The following SRRM1 variants were observed in gnomAD, a reference collection of about 807,000 sequenced individuals.
SRRM1 encodes serine/arginine repetitive matrix protein 1.
Under a neutral mutation model 110.2 loss-of-function variants are expected in SRRM1, and 19 were observed. That is an observed-to-expected ratio of 0.17 (90% confidence interval 0.12 to 0.25). The LOEUF is 0.25. Ranked by LOEUF, SRRM1 falls within the 10% of genes least tolerant of loss-of-function variation. The pLI, the probability that SRRM1 is intolerant of heterozygous loss-of-function variation, is 1.00. For missense variants in SRRM1, 918 were observed against 1,145.8 expected (o/e 0.80, Z 2.87); for synonymous variants, 443 against 414.9 (o/e 1.07, Z -0.82).
At position 24,669,729 on chromosome 1, in the gene SRRM1, T is replaced by C. The variant is rs145600296; in HGVS notation, c.2204+142T>C. 29 of 709,398 alleles carry C rather than the reference T, an allele frequency of 4.1e-5. No individual in the cohort carries two copies. The East Asian group carries it at 6.9e-4, about 17-fold the overall frequency. The allele number at this position is 709,398 out of a possible 1,614,324, so 43.9% of individuals were successfully genotyped here. A position where few individuals can be genotyped will look rare whatever the true frequency, so the allele number is the denominator to read the frequency against. On this transcript the variant is annotated intron_variant, in intron 14 of 16. Transcript: ENST00000323848. ...CTTGAGGTACTATTTACAGATCTTA[T>C]TCCATTTTTTGGGATAGTTTCTGTG...
At chr1:24,660,039 ATTC>A (rs1276946396) in intron 9 of SRRM1, among the ~76,000 whole-genome samples, 1 of 152,226 alleles carries the variant, frequency 6.6e-6, no homozygotes, top group Non-Finnish European at 1.5e-5. Flanking sequence ...TTGGGCAGTC[ATTC>A]TTCTTTTCTA....
At chr1:24,662,561 GC>G in intron 11 of SRRM1, 98 bp from the exon 12 acceptor site, 1 of 1,175,914 alleles carries the variant, frequency 8.5e-7, no homozygotes, top group Non-Finnish European at 1.2e-6. Flanking sequence ...ATACATGCTT[GC>G]TTACCCTAGT....
At chr1:24,658,772 A>AT (rs1213837475) in intron 9 of SRRM1, among the ~76,000 whole-genome samples, 1 of 152,238 alleles carries the variant, frequency 6.6e-6, no homozygotes, top group African/African-American at 2.4e-5. Context: ...ATTTCTTTGA[A>AT]TTTGTTAAAA....
intron 1 of SRRM1, 66 bp from the exon 2 acceptor site, chr1:24,645,918 C>T (rs1281864912): frequency 2.7e-5 from 36 of 1,350,962 alleles, no homozygotes; most frequent in Middle Eastern, 1.9e-4. Flanking sequence ...CTATAAAGGT[C>T]GTAGGTGATA....
chr1:24,672,426 G>A lies in SRRM1; in HGVS notation c.*140G>A, dbSNP rs1673219584. ...TTGAAGTTCAACATGTAAAAAAAGG[G>A]GGCATGGATTTACATTGCAAAAGGT... On this transcript the variant is annotated 3_prime_UTR_variant, in exon 17 of 17. Coordinates refer to ENST00000323848, the MANE Select transcript of SRRM1 (RefSeq NM_005839.4). 5.2e-6 allele frequency: 3 copies of A among 571,666 alleles called. No individual in the cohort carries two copies. In the Admixed American group the frequency reaches 9.9e-5, roughly 19 times the overall value. 35.4% of individuals were successfully genotyped at this position (571,666 alleles called of 1,614,324 possible).
At chr1:24,657,476 G>T (rs1664783395) in intron 9 of SRRM1, among the ~76,000 whole-genome samples, 1 of 152,194 alleles carries the variant, frequency 6.6e-6, no homozygotes, top group Non-Finnish European at 1.5e-5. Context: ...CTGGTAGTAT[G>T]ATTTCAGAAA....
intron 6 of SRRM1, 146 bp downstream of exon 6, chr1:24,651,758 T>C: frequency 1.4e-6 from 1 of 715,076 alleles, no homozygotes; most frequent in Non-Finnish European, 2.3e-6. Context: ...AGAAATTGTT[T>C]AGGAGAGTAT....
intron 9 of SRRM1, among the ~76,000 whole-genome samples, chr1:24,657,974 G>A (rs1211413398): frequency 6.6e-6 from 1 of 152,152 alleles, no homozygotes; most frequent in African/African-American, 2.4e-5. Flanking sequence ...TAATAGGACT[G>A]TTGGAGTAAA....
At chr1:24,653,907 C>A (rs1352958100) in intron 8 of SRRM1, among the ~76,000 whole-genome samples, 1 of 152,154 alleles carries the variant, frequency 6.6e-6, no homozygotes, top group South Asian at 2.1e-4. Flanking sequence ...GGGGAAAAAT[C>A]AAGTAAGCTC....
At chr1:24,659,563 G>A (rs146789266) in intron 9 of SRRM1, among the ~76,000 whole-genome samples, 15 of 152,294 alleles carry the variant, frequency 9.8e-5, no homozygotes, top group African/African-American at 3.6e-4. Flanking sequence ...TTTAGTTGTA[G>A]CAATGGATAG....
chr1:24,655,938 T>C (rs564162121), intron 9 of SRRM1, among the ~76,000 whole-genome samples: 67 of 152,256 alleles, frequency 4.4e-4, no homozygotes, highest in African/African-American at 1.6e-3. Context: ...ATTATGATCA[T>C]ATTGAAAATT....
At position 24,660,729 on chromosome 1, in the gene SRRM1, T is replaced by G; in HGVS notation, c.1326T>G (p.His442Gln). ...CTTATTCTTTTTTAGTGACAAAACA[T>G]AAAGGTACTGAGAAAAGAGAATCCC... ...PGRTSGKVTK[H>Q]KGTEKRESPS... is the part of the protein sequence containing the mutation. The change falls in exon 10 of 17, where the codon CAT becomes CAG. Residue 442 changes from histidine (H) to glutamine (Q), a missense_variant. His to Gln is a conservative substitution (Grantham distance 24, BLOSUM62 0). This residue lies in a region of SRRM1 where 456 missense variants were observed against 453.5 expected (regional missense o/e 1.01). Coordinates refer to ENST00000323848, the MANE Select transcript of SRRM1 (RefSeq NM_005839.4). 1 of 1,572,632 alleles carries G rather than the reference T, an allele frequency of 6.4e-7. No homozygotes were observed. The highest frequency in any genetic ancestry group is 1.9e-5 in the Admixed American group (1 of 52,448).
At chr1:24,669,613 T>C (rs1034053890) in intron 14 of SRRM1, 26 bp downstream of exon 14, 1 of 1,487,818 alleles carries the variant, frequency 6.7e-7, no homozygotes, top group East Asian at 2.5e-5. Context: ...GCTTTTCCAT[T>C]AGGAATACTT....
rs778364687 is a variant in SRRM1 at position 24,666,826 on chromosome 1, G to A, written c.1640G>A (p.Arg547Lys). 6 of 1,613,170 alleles carry A rather than the reference G, an allele frequency of 3.7e-6. No homozygotes were observed. The highest frequency in any genetic ancestry group is 3.3e-5 in the Admixed American group (2 of 59,850). Residue 547 changes from arginine to lysine, a missense_variant, in exon 13 of 17, where the codon AGG becomes AAG. This residue lies in a region of SRRM1 where 357 missense variants were observed against 402.9 expected (regional missense o/e 0.89). Coordinates refer to ENST00000323848, the MANE Select transcript of SRRM1 (RefSeq NM_005839.4). ...QKETSPRGRR[R>K]RSPSPPPTRR... ...TCTTCTTGGTTTAGTGGTAGACGGA[G>A]GAGAAGTCCATCCCCACCACCCACC... is the stretch of plus-strand genomic sequence containing the variant.
intron 13 of SRRM1, 123 bp from the exon 14 acceptor site, chr1:24,669,000 C>T: frequency 2.8e-6 from 2 of 724,472 alleles, no homozygotes; most frequent in South Asian, 4.1e-5. Context: ...ATAGCATGTT[C>T]ACTTATAAAT....
chr1:24,655,288 T>C (rs771933403), intron 9 of SRRM1, among the ~76,000 whole-genome samples, 159 bp downstream of exon 9: 14 of 152,242 alleles, frequency 9.2e-5, no homozygotes, highest in Admixed American at 4.6e-4. Flanking sequence ...TCTTTCCTGC[T>C]TTAAAATCTT....
chr1:24,660,866 A>AT (rs1257774769), intron 10 of SRRM1, 67 bp downstream of exon 10: 5 of 1,215,278 alleles, frequency 4.1e-6, no homozygotes, highest in Non-Finnish European at 5.9e-6. Flanking sequence ...GCTGATTTTG[A>AT]TTTTTTGCAC....
chr1:24,657,851 C>T (rs1391117666), intron 9 of SRRM1, among the ~76,000 whole-genome samples: 2 of 152,144 alleles, frequency 1.3e-5, no homozygotes, highest in Non-Finnish European at 1.5e-5. Flanking sequence ...TTTAGATTAG[C>T]TTGGCCACAT....
At chr1:24,653,941 G>T (rs942158525) in intron 8 of SRRM1, among the ~76,000 whole-genome samples, 1 of 152,198 alleles carries the variant, frequency 6.6e-6, no homozygotes, top group Non-Finnish European at 1.5e-5. Flanking sequence ...TGTTTCTGCA[G>T]TCAGGTTTTT....
Sources: gnomAD v4.1 joint callset for allele counts (sites outside exome capture counted in the v4.1 genomes callset) on GRCh38, gnomAD v4.1.1 for gene constraint, gnomAD v4.1.1 regional missense constraint, MANE v1.5 for transcripts, NCBI Gene and HGNC (gene_info 2026-07-23, HGNC 2026-07-21) for gene names.